Variants in ISCU observed in about 807,000 individuals in gnomAD.
The protein encoded by ISCU is iron-sulfur cluster assembly enzyme ISCU.
In ISCU, 13 loss-of-function variants were observed where a neutral mutation model predicts 18.4. The ratio of observed to expected loss-of-function variants is 0.71; its 90% CI spans 0.46 to 1.12. The LOEUF (loss-of-function observed/expected upper bound fraction) is 1.12, where lower values mean the gene tolerates loss of function less well. Ranked by LOEUF, ISCU falls within the 50% of genes most tolerant of loss-of-function variation. The probability of loss-of-function intolerance (pLI) is 0.00; values close to 1 mark genes in which losing one functional copy is unlikely to be tolerated. For synonymous variants in ISCU, 104 were observed against 87.5 expected (o/e 1.19, Z -1.06); for missense variants, 229 against 208.7 (o/e 1.10, Z -0.60).
Position 108,562,652 on chromosome 12 carries a change from G to A in ISCU, c.30G>A (p.Arg10=), listed in dbSNP as rs776009693. The part of the protein sequence containing the change: MAAAGAFRL[R]RAASALLLRS... Reference sequence around the variant, plus strand: ...CGGCGGCTGGGGCTTTCCGTCTGAGGCGGGCGGCATCGGCTCTGCTGCTGC... The same window carrying A: ...CGGCGGCTGGGGCTTTCCGTCTGAGACGGGCGGCATCGGCTCTGCTGCTGC... The change falls in exon 1 of 5, where the codon AGG becomes AGA. Residue 10 remains arginine (R), a synonymous_variant. Transcript: ENST00000311893. 2.7e-6 allele frequency: 4 copies of A among 1,461,672 alleles called. No homozygotes were observed. Among genetic ancestry groups the A allele is most frequent in the African/African-American group, 1.5e-5 (1 of 68,248 alleles). 90.5% of individuals were successfully genotyped at this position (1,461,672 alleles called of 1,614,324 possible). A position where few individuals can be genotyped will look rare whatever the true frequency, so the allele number is the denominator to read the frequency against.
chr12:108,563,461 A>C (rs1012237574), intron 1 of ISCU: 2 of 158,472 alleles, frequency 1.3e-5, no homozygotes, highest in African/African-American at 4.8e-5. Context: ...CCTACATTAG[A>C]TACTATCCTG....
At position 108,564,278 on chromosome 12, in the gene ISCU, G is replaced by A; in HGVS notation, c.115-1G>A. ...GATTTATCTTAACCCTCTCATTTTA[G>A]GTTGTTGATCATTATGAAAATCCTA... On this transcript the variant is annotated splice_acceptor_variant, in intron 1 of 4. Coordinates refer to ENST00000311893, the MANE Select transcript of ISCU (RefSeq NM_213595.4). LOFTEE classifies it high-confidence loss of function. 1 of 1,610,680 alleles carries A rather than the reference G, an allele frequency of 6.2e-7. No individual in the cohort carries two copies. Among genetic ancestry groups the A allele is most frequent in the Non-Finnish European group, 8.5e-7 (1 of 1,176,872 alleles).
chr12:108,568,101 C>T (rs572075217), intron 4 of ISCU: 2 of 1,379,060 alleles, frequency 1.5e-6, no homozygotes, highest in Non-Finnish European at 1.9e-6. Context: ...TAAGTTCTTT[C>T]CACTTGATCT....
rs1230558042 is a variant in ISCU at position 108,565,071 on chromosome 12, C to T, written c.229-250C>T. Reference sequence around the variant, plus strand: ...CAAAATGCAGGCCAGAGTCACAAAACAAAAGAATATTGGAGTGGAGGGACA... The same window carrying T: ...CAAAATGCAGGCCAGAGTCACAAAATAAAAGAATATTGGAGTGGAGGGACA... On this transcript the variant is annotated intron_variant, in intron 2 of 4. Coordinates refer to ENST00000311893, the MANE Select transcript of ISCU (RefSeq NM_213595.4). 8 of 540,202 alleles carry T rather than the reference C, an allele frequency of 1.5e-5. No individual in the cohort carries two copies. The East Asian group carries it at 2.5e-4, about 17-fold the overall frequency. The allele number at this position is 540,202 out of a possible 1,614,324, so 33.5% of individuals were successfully genotyped here. A position where few individuals can be genotyped will look rare whatever the true frequency, so the allele number is the denominator to read the frequency against.
chr12:108,567,406 TG>T (rs2030952058), intron 4 of ISCU, 138 bp downstream of exon 4: 10 of 795,436 alleles, frequency 1.3e-5, no homozygotes, highest in Non-Finnish European at 2.2e-5. Context: ...CCTTATAACC[TG>T]CAGAGGGTTA....
At chr12:108,566,446 A>C (rs2030900610) in intron 3 of ISCU, among the ~76,000 whole-genome samples, 1 of 152,264 alleles carries the variant, frequency 6.6e-6, no homozygotes, top group Non-Finnish European at 1.5e-5. Context: ...GAGATCTCCC[A>C]TCTGAGTTTC....
chr12:108,568,040 A>G, intron 4 of ISCU: 3 of 1,497,276 alleles, frequency 2.0e-6, no homozygotes, highest in African/African-American at 1.4e-5. Flanking sequence ...CAGAAGAGCC[A>G]GGTGCCGGGG....
intron 1 of ISCU, 188 bp downstream of exon 1, chr12:108,562,924 GGCGACTTCCAGGGGGCCCCGCCGCTGGCC>G (rs2030683975): frequency 2.5e-6 from 1 of 399,914 alleles, no homozygotes; most frequent in African/African-American, 2.1e-5. Context: ...CTCATCGGGC[GGCGACTTCCAGGGGGCCCCGCCGCTGGCC>G]GCGACTTCGT....
At position 108,562,618 on chromosome 12, in the gene ISCU, G is replaced by T. The variant is rs1490751535; in HGVS notation, c.-5G>T. 1 of 1,457,202 alleles carries T rather than the reference G, an allele frequency of 6.9e-7. No homozygotes were observed. The highest frequency in any genetic ancestry group is 1.4e-5 in the South Asian group (1 of 73,874). The allele number at this position is 1,457,202 out of a possible 1,614,324, so 90.3% of individuals were successfully genotyped here. A position where few individuals can be genotyped will look rare whatever the true frequency, so the allele number is the denominator to read the frequency against. The stretch of plus-strand genomic sequence containing the variant: ...TCTGGACTGGCGCAGGCGCAAGCCG[G>T]CAAGATGGCGGCGGCTGGGGCTTTC... On this transcript the variant is annotated 5_prime_UTR_variant, in exon 1 of 5. Transcript: ENST00000311893.
At chr12:108,568,611 G>A (rs1227678681) in intron 4 of ISCU, 15 of 1,415,050 alleles carry the variant, frequency 1.1e-5, no homozygotes, top group Admixed American at 2.9e-5. Flanking sequence ...TGGGATCACA[G>A]ATTTTTAACC....
At chr12:108,566,641 T>G (rs1414632823) in intron 3 of ISCU, among the ~76,000 whole-genome samples, 1 of 152,184 alleles carries the variant, frequency 6.6e-6, no homozygotes, top group Non-Finnish European at 1.5e-5. Flanking sequence ...ACCCCAGGCA[T>G]CCTCTTTAGT....
intron 4 of ISCU, chr12:108,567,989 TC>T: frequency 6.5e-7 from 1 of 1,530,008 alleles, no homozygotes; most frequent in Middle Eastern, 1.7e-4. Context: ...TAGTTAAAAA[TC>T]AGCAGAGAGT....
chr12:108,561,498 G>T (rs2030560471), upstream of ISCU: 1 of 236,782 alleles, frequency 4.2e-6, no homozygotes, highest in Non-Finnish European at 8.3e-6. Flanking sequence ...GAAGGTCAAA[G>T]TGATTCTTCG....
At chr12:108,567,290 C>T in intron 4 of ISCU, 22 bp downstream of exon 4, 2 of 1,585,228 alleles carry the variant, frequency 1.3e-6, no homozygotes, top group Non-Finnish European at 1.7e-6. Flanking sequence ...CTCTCCATAC[C>T]AGTCAGCTGG....
At chr12:108,568,249 C>T (rs2030991610) in intron 4 of ISCU, 2 of 1,193,172 alleles carry the variant, frequency 1.7e-6, no homozygotes. Flanking sequence ...TGCTTGCTTT[C>T]TGCTGTCATT....
intron 1 of ISCU, 25 bp from the exon 2 acceptor site, chr12:108,564,254 A>G: frequency 1.3e-6 from 2 of 1,592,128 alleles, no homozygotes; most frequent in Non-Finnish European, 1.7e-6. Context: ...AGTGAACATG[A>G]TTTATCTTAA....
chr12:108,562,524 GGT>G, upstream of ISCU: 2 of 626,828 alleles, frequency 3.2e-6, no homozygotes, highest in Non-Finnish European at 4.9e-6. Flanking sequence ...GCAAAGCTTC[GGT>G]GACGTCAGAG....
At chr12:108,563,154 C>T (rs2030707159) in intron 1 of ISCU, 2 of 157,478 alleles carry the variant, frequency 1.3e-5, no homozygotes, top group Non-Finnish European at 1.4e-5. Flanking sequence ...ATGGGGGGCT[C>T]TCAGCTGTCC....
intron 1 of ISCU, chr12:108,563,179 T>G: frequency 6.5e-6 from 1 of 154,594 alleles, no homozygotes. Context: ...CAAAGGATAC[T>G]GTGCGTGGAG....
Sources: gnomAD v4.1 joint callset for allele counts (sites outside exome capture counted in the v4.1 genomes callset) on GRCh38, gnomAD v4.1.1 for gene constraint, MANE v1.5 for transcripts, NCBI Gene and HGNC (gene_info 2026-07-23, HGNC 2026-07-21) for gene names.